TJP2: variants seen among roughly 807,000 people sequenced by gnomAD.
TJP2 encodes the protein tight junction protein 2, also known as Friedreich ataxia region gene X104 (tight junction protein ZO-2).
Under a neutral mutation model 133.1 loss-of-function variants are expected in TJP2, and 91 were observed. The observed-to-expected ratio is 0.68, with a 90% CI of 0.58 to 0.81. TJP2 has a LOEUF of 0.81. Among genes scored for constraint, TJP2 ranks in the 40% least tolerant of loss-of-function variants. TJP2 has a pLI of 0.00. For missense variants in TJP2, 1,541 were observed against 1,565.6 expected, an observed-to-expected ratio of 0.98 and a Z score of 0.26; for synonymous variants, 592 against 583.4, an observed-to-expected ratio of 1.01 and a Z score of -0.21.
At chr9:69,225,881 T>C in intron 6 of TJP2, 141 bp from the exon 7 acceptor site, 1 of 859,886 alleles carries the variant, frequency 1.2e-6, no homozygotes, top group Non-Finnish European at 1.8e-6. Flanking sequence ...AAACGACAAT[T>C]CATTTTTATT....
chr9:69,252,193 G>C (rs1190086873), intron 21 of TJP2, among the ~76,000 whole-genome samples: 3 of 151,976 alleles, frequency 2.0e-5, no homozygotes, highest in Admixed American at 6.6e-5. Flanking sequence ...ACAAGGTTTT[G>C]TCATGTTGCT....
intron 2 of TJP2, among the ~76,000 whole-genome samples, chr9:69,155,351 G>A (rs963666347): frequency 6.6e-6 from 1 of 152,146 alleles, no homozygotes; most frequent in African/African-American, 2.4e-5. Context: ...TTCCCTAGGG[G>A]CTCCTCGGTT....
Position 69,124,024 on chromosome 9 carries a change from C to T in TJP2, c.-131+2299C>T, listed in dbSNP as rs1185367556. ...CTGGGACTATAGGCACCCGCCACCA[C>T]GCCCGGCTAATTTTTTTGAATTTTT... On this transcript the variant is annotated intron_variant, in intron 1 of 5. Coordinates refer to the TJP2 transcript ENST00000423935. Among the ~76,000 whole-genome samples, 7 of 73,898 alleles carry T rather than the reference C, an allele frequency of 9.5e-5. 2 individuals are homozygous for T. In the South Asian group the frequency reaches 2.3e-3, roughly 24 times the overall value. The allele number at this position is 73,898 out of a possible 152,430, so 48.5% of individuals were successfully genotyped here. A position where few individuals can be genotyped will look rare whatever the true frequency, so the allele number is the denominator to read the frequency against.
At chr9:69,178,893 C>G (rs1341395437) in intron 1 of TJP2, among the ~76,000 whole-genome samples, 1 of 152,114 alleles carries the variant, frequency 6.6e-6, no homozygotes, top group Non-Finnish European at 1.5e-5. Flanking sequence ...AGAATGTGGA[C>G]AGCCAAACAG....
chr9:69,253,024 G>A (rs941434818), intron 22 of TJP2, 124 bp downstream of exon 22: 6 of 836,668 alleles, frequency 7.2e-6, no homozygotes, highest in East Asian at 5.3e-5. Flanking sequence ...CAGATTGACT[G>A]TTTGCCTTAC....
intron 19 of TJP2, 32 bp from the exon 20 acceptor site, chr9:69,249,343 T>A (rs1346289392): frequency 3.2e-6 from 5 of 1,580,930 alleles, no homozygotes; most frequent in African/African-American, 1.3e-5. Flanking sequence ...GCTTGGATGT[T>A]CTTGTTGTGA....
chr9:69,254,808 C>T lies in TJP2; in HGVS notation c.*434C>T, dbSNP rs1831587330. 2 of 472,902 alleles carry T rather than the reference C, an allele frequency of 4.2e-6. No homozygotes were observed. Among genetic ancestry groups the T allele is most frequent in the East Asian group, 6.2e-5 (2 of 32,420 alleles). The allele number at this position is 472,902 out of a possible 1,614,324, so 29.3% of individuals were successfully genotyped here. On this transcript the variant is annotated 3_prime_UTR_variant, in exon 23 of 23. Coordinates refer to ENST00000377245, the MANE Select transcript of TJP2 (RefSeq NM_004817.4). Reference sequence around the variant, plus strand: ...GGCTCAAACTAAATTCAAAGAAGTACTTTATTGCAACTCTTTTAAGTGCCT... The same window carrying T: ...GGCTCAAACTAAATTCAAAGAAGTATTTTATTGCAACTCTTTTAAGTGCCT...
chr9:69,192,920 CTTTTT>C (rs35014942), intron 1 of TJP2, among the ~76,000 whole-genome samples: 2 of 107,212 alleles, frequency 1.9e-5, no homozygotes, highest in African/African-American at 3.6e-5. Context: ...TTCTCTCTCA[CTTTTT>C]TTTTTTTTTT....
chr9:69,195,520 A>G (rs1239336549), intron 1 of TJP2, among the ~76,000 whole-genome samples: 19 of 152,152 alleles, frequency 1.2e-4, no homozygotes, highest in Admixed American at 1.2e-3. Context: ...TGCCATGGGC[A>G]AGTTCCTTGA....
At chr9:69,194,962 G>C (rs957421416) in intron 1 of TJP2, among the ~76,000 whole-genome samples, 2 of 152,164 alleles carry the variant, frequency 1.3e-5, no homozygotes, top group East Asian at 3.9e-4. Context: ...GATTAACCAG[G>C]CTCATTGCTA....
At chr9:69,212,739 G>A in intron 2 of TJP2, 138 bp downstream of exon 2, 2 of 681,142 alleles carry the variant, frequency 2.9e-6, no homozygotes, top group East Asian at 2.7e-5. Flanking sequence ...ATACTAACTG[G>A]CAATAATTGC....
At chr9:69,187,094 C>G (rs1221670737) in intron 1 of TJP2, among the ~76,000 whole-genome samples, 2 of 152,086 alleles carry the variant, frequency 1.3e-5, no homozygotes, top group African/African-American at 4.8e-5. Context: ...ATTTTTGCTC[C>G]TTTTTACTAC....
chr9:69,207,459 AGATACTGG>A (rs1827523829), intron 1 of TJP2, among the ~76,000 whole-genome samples: 1 of 152,054 alleles, frequency 6.6e-6, no homozygotes, highest in African/African-American at 2.4e-5. Context: ...TGCCCTTGAG[AGATACTGG>A]GATATTTTCC....
intron 1 of TJP2, among the ~76,000 whole-genome samples, chr9:69,190,928 G>A (rs1055538587): frequency 6.6e-6 from 1 of 152,138 alleles, no homozygotes. Context: ...TTATTGTCAG[G>A]CCCTTTGAGA....
rs111808837 is a variant in TJP2 at position 69,127,695 on chromosome 9, G to A, written c.-131+5970G>A. 3.4e-3 allele frequency among the ~76,000 whole-genome samples: 254 copies of A among 75,512 alleles called. 92 individuals are homozygous for A. Among genetic ancestry groups the A allele is most frequent in the African/African-American group, 1.0e-2 (245 of 24,588 alleles). The allele number at this position is 75,512 out of a possible 152,430, so 49.5% of individuals were successfully genotyped here. Reference sequence around the variant, plus strand: ...CAGGAATCTACTTTCTGTCCCTATAGATTAGCCTATTCTGAACATTTTATA... The same window carrying A: ...CAGGAATCTACTTTCTGTCCCTATAAATTAGCCTATTCTGAACATTTTATA... On this transcript the variant is annotated intron_variant, in intron 1 of 5. Coordinates refer to the TJP2 transcript ENST00000423935.
intron 4 of TJP2, among the ~76,000 whole-genome samples, chr9:69,220,484 A>G (rs6560630): frequency 0.037 from 5,637 of 152,282 alleles, 269 homozygotes; most frequent in African/African-American, 0.11. Context: ...TATTTCTTCT[A>G]TCAGACCATA....
chr9:69,248,400 G>C (rs1831084309), intron 19 of TJP2, 176 bp downstream of exon 19: 7 of 1,434,906 alleles, frequency 4.9e-6, no homozygotes, highest in Non-Finnish European at 6.4e-6. Flanking sequence ...CTGTGGGAAA[G>C]TGGGGCAGGC....
intron 1 of TJP2, among the ~76,000 whole-genome samples, chr9:69,203,880 T>C (rs1462111019): frequency 6.6e-6 from 1 of 152,150 alleles, no homozygotes; most frequent in Non-Finnish European, 1.5e-5. Flanking sequence ...CCCAAAGTGC[T>C]AGGATTACAG....
In TJP2 at chr9:69,174,448, T is replaced by G; in HGVS notation, c.60+16T>G. ...TTGGCTCCGCGTAAGTGCCTCCTTGTGCCGCGCGGTTGGGAGGAGGGTCGT... is the reference window on the plus strand; with the variant it reads ...TTGGCTCCGCGTAAGTGCCTCCTTGGGCCGCGCGGTTGGGAGGAGGGTCGT... On this transcript the variant is annotated intron_variant, in intron 1 of 22. Coordinates refer to ENST00000377245, the MANE Select transcript of TJP2 (RefSeq NM_004817.4). 1.3e-6 allele frequency: 2 copies of G among 1,549,344 alleles called. No homozygotes were observed. Among genetic ancestry groups the G allele is most frequent in the Non-Finnish European group, 8.7e-7 (1 of 1,146,464 alleles).
Sources: gnomAD v4.1 joint callset for allele counts (sites outside exome capture counted in the v4.1 genomes callset) on GRCh38, gnomAD v4.1.1 for gene constraint, MANE v1.5 for transcripts, NCBI Gene and HGNC (gene_info 2026-07-23, HGNC 2026-07-21) for gene names.